Variants in XNDC1N observed in about 807,000 individuals in gnomAD.
The protein encoded by XNDC1N is XRCC1 N-terminal domain containing 1, N-terminal like.
At chr11:71,924,749 G>T in the XNDC1N span, among the ~76,000 whole-genome samples, 1 of 151,976 alleles carries the variant, frequency 6.6e-6, no homozygotes, top group Non-Finnish European at 1.5e-5. Context: ...AACATTTTAT[G>T]TAAAATTTTA....
At chr11:71,908,539 C>G in the XNDC1N span, among the ~76,000 whole-genome samples, 6 of 152,100 alleles carry the variant, frequency 3.9e-5, no homozygotes, top group Admixed American at 2.6e-4. Context: ...GACACAAATG[C>G]CCCTGAGAGA....
the XNDC1N span, among the ~76,000 whole-genome samples, chr11:71,887,272 C>T: frequency 6.4e-4 from 97 of 152,304 alleles, no homozygotes; most frequent in Middle Eastern, 3.4e-3. Flanking sequence ...TTTCTGCTTG[C>T]CTTGCACTTG....
At chr11:71,908,371 TTAA>T in the XNDC1N span, among the ~76,000 whole-genome samples, 4 of 151,778 alleles carry the variant, frequency 2.6e-5, no homozygotes, top group Non-Finnish European at 5.9e-5. Context: ...GTATTTAATA[TTAA>T]TTATTATTAT....
chr11:71,877,630 T>G, the XNDC1N span, among the ~76,000 whole-genome samples: 2 of 152,226 alleles, frequency 1.3e-5, no homozygotes, highest in Non-Finnish European at 2.9e-5. Flanking sequence ...TGTGTGAGAC[T>G]CTGTCTCTAA....
chr11:71,900,292 A>G, the XNDC1N span, among the ~76,000 whole-genome samples: 2 of 152,068 alleles, frequency 1.3e-5, no homozygotes, highest in Non-Finnish European at 2.9e-5. Context: ...GTTTCTCTAT[A>G]CTTTGTCTCT....
At chr11:71,908,245 TTAA>T in the XNDC1N span, among the ~76,000 whole-genome samples, 3 of 151,184 alleles carry the variant, frequency 2.0e-5, no homozygotes, top group Admixed American at 6.6e-5. Flanking sequence ...ATTATTAATA[TTAA>T]TAATTATTAG....
the XNDC1N span, among the ~76,000 whole-genome samples, chr11:71,898,500 G>A: frequency 2.0e-5 from 3 of 151,682 alleles, no homozygotes; most frequent in South Asian, 2.1e-4. Flanking sequence ...CCAGCTACTC[G>A]GGAGGCTGAG....
At chr11:71,883,818 C>T in the XNDC1N span, among the ~76,000 whole-genome samples, 2 of 152,158 alleles carry the variant, frequency 1.3e-5, no homozygotes, top group Admixed American at 6.5e-5. Flanking sequence ...GGAGACATGG[C>T]CTTGAGCCCG....
the XNDC1N span, chr11:71,884,502 G>A: frequency 1.2e-6 from 2 of 1,610,144 alleles, no homozygotes; most frequent in Non-Finnish European, 1.7e-6. Flanking sequence ...ATACTGTGCT[G>A]ACTTCAGCAT....
the XNDC1N span, among the ~76,000 whole-genome samples, chr11:71,920,880 G>A: frequency 1.3e-5 from 2 of 152,076 alleles, no homozygotes; most frequent in African/African-American, 2.4e-5. Flanking sequence ...CAGGAGAATC[G>A]CTTGAACCTG....
chr11:71,890,755 G>T, the XNDC1N span, among the ~76,000 whole-genome samples: 1 of 151,916 alleles, frequency 6.6e-6, no homozygotes, highest in Non-Finnish European at 1.5e-5. Context: ...TCGTAGGGGT[G>T]GGGGATGTAC....
chr11:71,868,983 C>CT, the XNDC1N span, among the ~76,000 whole-genome samples: 3 of 151,998 alleles, frequency 2.0e-5, no homozygotes, highest in African/African-American at 7.3e-5. Context: ...TTTTTGAATT[C>CT]TTTTTTCTTT....
chr11:71,927,084 A>T, the XNDC1N span, among the ~76,000 whole-genome samples: 8 of 150,954 alleles, frequency 5.3e-5, no homozygotes, highest in African/African-American at 2.0e-4. Context: ...CATCTCCACA[A>T]AATATTTTTA....
At chr11:71,895,467 GC>G in the XNDC1N span, among the ~76,000 whole-genome samples, 1 of 140,916 alleles carries the variant, frequency 7.1e-6, no homozygotes, top group African/African-American at 2.7e-5. Flanking sequence ...GCGCTACCAT[GC>G]CTGGCTATTT....
the XNDC1N span, among the ~76,000 whole-genome samples, chr11:71,880,319 CAG>C: frequency 4.6e-5 from 7 of 152,222 alleles, no homozygotes; most frequent in South Asian, 4.1e-4. Context: ...TTGTTTATAA[CAG>C]ACTCTAATGA....
At chr11:71,924,391 G>C in the XNDC1N span, among the ~76,000 whole-genome samples, 41 of 151,598 alleles carry the variant, frequency 2.7e-4, no homozygotes, top group African/African-American at 9.7e-4. Context: ...AAAAAAAAAA[G>C]TTCTGGACCG....
chr11:71,916,329 A>G, the XNDC1N span: 1 of 677,520 alleles, frequency 1.5e-6, no homozygotes, highest in African/African-American at 1.8e-5. Context: ...GAAAAGGTCA[A>G]TACTAAGGAA....
At chr11:71,916,007 A>G in the XNDC1N span, 2 of 674,048 alleles carry the variant, frequency 3.0e-6, no homozygotes, top group South Asian at 1.6e-5. Flanking sequence ...AACAAGCATC[A>G]GTTTCTTAAA....
At chr11:71,896,070 G>A in the XNDC1N span, among the ~76,000 whole-genome samples, 1 of 152,214 alleles carries the variant, frequency 6.6e-6, no homozygotes, top group East Asian at 1.9e-4. Context: ...TTGAGTCCAG[G>A]AGTTCGAGAC....
Sources: allele counts gnomAD v4.1 joint callset (sites outside exome capture counted in the v4.1 genomes callset), GRCh38; gene constraint gnomAD v4.1.1; transcripts MANE v1.5; gene names NCBI Gene and HGNC (gene_info 2026-07-23, HGNC 2026-07-21).